The following DLC1 variants were observed in gnomAD, a reference collection of about 807,000 sequenced individuals.
DLC1 encodes rho GTPase-activating protein 7.
A neutral mutation model predicts 140.3 loss-of-function variants in DLC1; 54 were observed. The observed-to-expected ratio is 0.38, with a 90% CI of 0.31 to 0.48. DLC1 has a LOEUF of 0.48. DLC1 is among the 20% of genes least tolerant of loss of function. The pLI is 0.96. For missense variants in DLC1, 2,536 were observed against 1,907.0 expected (o/e 1.33, Z -6.14); for synonymous variants, 986 against 728.1 (o/e 1.35, Z -5.70).
chr8:13,300,002 A>G (rs1006642150), intron 5 of DLC1, among the ~76,000 whole-genome samples: 48 of 152,212 alleles, frequency 3.2e-4, no homozygotes, highest in Non-Finnish European at 6.3e-4. Flanking sequence ...TTGCAGCACT[A>G]TTCACAATAG....
In DLC1 at chr8:13,130,698, G is replaced by T. The variant is rs187372552; in HGVS notation, c.1349-15041C>A. On this transcript the variant is annotated intron_variant, in intron 5 of 17. Coordinates refer to ENST00000276297, the MANE Select transcript of DLC1 (RefSeq NM_182643.3). ...TGTTTCTCATGAAATCTGCAATTGG[G>T]AAGTTATGACATAAGTCACCAAAAC... Among the ~76,000 whole-genome samples, 285 of 152,300 alleles carry T rather than the reference G, an allele frequency of 1.9e-3. 1 individual carries two copies. Among genetic ancestry groups the T allele is most frequent in the African/African-American group, 6.4e-3 (267 of 41,556 alleles).
chr8:13,173,866 C>G (rs900463976), intron 5 of DLC1, among the ~76,000 whole-genome samples: 1 of 152,060 alleles, frequency 6.6e-6, no homozygotes, highest in Admixed American at 6.6e-5. Flanking sequence ...TTTTAAATCT[C>G]ATATTTTATT....
chr8:13,344,628 A>T (rs1285115665), intron 4 of DLC1, among the ~76,000 whole-genome samples: 1 of 152,210 alleles, frequency 6.6e-6, no homozygotes, highest in East Asian at 1.9e-4. Flanking sequence ...AGTTCTCTAA[A>T]AAGGCTGGTA....
chr8:13,487,290 T>G (rs1261199725), intron 2 of DLC1, among the ~76,000 whole-genome samples: 3 of 152,230 alleles, frequency 2.0e-5, no homozygotes, highest in African/African-American at 4.8e-5. Flanking sequence ...AGTAAATTTA[T>G]TTTAATATTC....
At chr8:13,307,960 C>T (rs765151728) in intron 4 of DLC1, among the ~76,000 whole-genome samples, 3 of 152,116 alleles carry the variant, frequency 2.0e-5, no homozygotes, top group Non-Finnish European at 4.4e-5. Flanking sequence ...ACACAAAATA[C>T]CTCTATAGGA....
At chr8:13,372,269 C>G (rs181857720) in intron 4 of DLC1, among the ~76,000 whole-genome samples, 4 of 152,070 alleles carry the variant, frequency 2.6e-5, no homozygotes, top group Non-Finnish European at 4.4e-5. Flanking sequence ...CAGAAAATCA[C>G]GAGCCAAAGG....
chr8:13,222,309 C>T (rs143010843), intron 5 of DLC1, among the ~76,000 whole-genome samples: 3 of 152,100 alleles, frequency 2.0e-5, no homozygotes, highest in African/African-American at 4.8e-5. Flanking sequence ...AAAATGAAGC[C>T]TGTAACAGTG....
chr8:13,088,705 C>T lies in DLC1; in HGVS notation c.4075-1G>A. ...GCCTCAGAGGGGGTCCTTCGCTCAC[C>T]TGGAAAGAGGATGTATTTTTCAGTG... On this transcript the variant is annotated splice_acceptor_variant, in intron 15 of 17. Coordinates refer to ENST00000276297, the MANE Select transcript of DLC1 (RefSeq NM_182643.3). LOFTEE classifies it high-confidence loss of function. The T allele has an allele frequency of 6.2e-7, 1 of 1,613,800 alleles. No homozygotes were observed. The highest frequency in any genetic ancestry group is 8.5e-7 in the Non-Finnish European group (1 of 1,179,910).
intron 5 of DLC1, among the ~76,000 whole-genome samples, chr8:13,240,507 C>T (rs1266350054): frequency 1.3e-5 from 2 of 152,146 alleles, no homozygotes; most frequent in African/African-American, 2.4e-5. Flanking sequence ...CTCACTGCAG[C>T]CTCCATCTCC....
intron 1 of DLC1, among the ~76,000 whole-genome samples, chr8:13,535,866 T>C (rs1366115422): frequency 6.6e-6 from 1 of 152,116 alleles, no homozygotes; most frequent in Non-Finnish European, 1.5e-5. Context: ...ATATAGTTCC[T>C]TTTCAGTCTG....
intron 5 of DLC1, among the ~76,000 whole-genome samples, chr8:13,138,274 A>AG (rs1296516344): frequency 7.2e-5 from 11 of 152,158 alleles, no homozygotes; most frequent in African/African-American, 2.2e-4. Context: ...TGGCTTGTTG[A>AG]CCTGTCTTAA....
intron 5 of DLC1, 193 bp downstream of exon 5, chr8:13,305,076 C>T (rs1175902929): frequency 4.7e-6 from 6 of 1,263,736 alleles, no homozygotes; most frequent in Admixed American, 7.4e-5. Context: ...AACACAATGT[C>T]ATTATGTCAG....
intron 2 of DLC1, among the ~76,000 whole-genome samples, chr8:13,486,690 C>T (rs59264014): frequency 0.26 from 38,927 of 151,656 alleles, 5,609 homozygotes; most frequent in Middle Eastern, 0.38. Context: ...AATGCAAATT[C>T]TGGGTGTTTC....
intron 2 of DLC1, among the ~76,000 whole-genome samples, chr8:13,450,569 C>T (rs1342957060): frequency 6.7e-6 from 1 of 148,882 alleles, no homozygotes; most frequent in African/African-American, 2.5e-5. Context: ...AATTTGAAAA[C>T]TATATTTTTA....
At chr8:13,579,360 T>C (rs1401146464) in intron 1 of DLC1, among the ~76,000 whole-genome samples, 3 of 30,922 alleles carry the variant, frequency 9.7e-5, no homozygotes, top group South Asian at 8.5e-4. Flanking sequence ...TATATATATA[T>C]ATTTTTATAT....
chr8:13,312,729 C>T (rs942408175), intron 4 of DLC1, among the ~76,000 whole-genome samples: 1 of 151,986 alleles, frequency 6.6e-6, no homozygotes, highest in Non-Finnish European at 1.5e-5. Flanking sequence ...CTTAAATTTG[C>T]AAATTCTTCA....
chr8:13,588,274 G>T (rs1046134739), intron 1 of DLC1, among the ~76,000 whole-genome samples: 1 of 152,242 alleles, frequency 6.6e-6, no homozygotes, highest in African/African-American at 2.4e-5. Flanking sequence ...ATGGTAGGAA[G>T]CATGATACCT....
At chr8:13,329,055 C>T (rs890098412) in intron 4 of DLC1, among the ~76,000 whole-genome samples, 3 of 152,106 alleles carry the variant, frequency 2.0e-5, no homozygotes, top group African/African-American at 7.2e-5. Context: ...ATCACTGATC[C>T]AGACATTGAT....
chr8:13,403,462 G>T (rs1837385955), intron 2 of DLC1, among the ~76,000 whole-genome samples: 1 of 152,108 alleles, frequency 6.6e-6, no homozygotes. Flanking sequence ...CTTCCCATGG[G>T]CTTCATTATA....
Sources: gnomAD v4.1 joint callset for allele counts (sites outside exome capture counted in the v4.1 genomes callset) on GRCh38, gnomAD v4.1.1 for gene constraint, MANE v1.5 for transcripts, NCBI Gene and HGNC (gene_info 2026-07-23, HGNC 2026-07-21) for gene names.